INPP5D: variants seen among roughly 807,000 people sequenced by gnomAD.
The protein encoded by INPP5D is inositol polyphosphate-5-phosphatase D.
Under a neutral mutation model 122.9 loss-of-function variants are expected in INPP5D, and 33 were observed. The ratio of observed to expected loss-of-function variants is 0.27; its 90% CI spans 0.20 to 0.36. INPP5D has a LOEUF of 0.36. Among genes scored for constraint, INPP5D ranks in the 10% least tolerant of loss-of-function variants. INPP5D has a pLI of 1.00. For synonymous variants in INPP5D, 584 were observed against 576.2 expected (o/e 1.01, Z -0.19); for missense variants, 1,053 against 1,412.7 (o/e 0.75, Z 4.08).
rs1260875061 is a variant in INPP5D at position 233,183,862 on chromosome 2, A to T, written c.2162-546A>T. ...CTCAAAATTTCTATGAAAGGACAGA[A>T]CACTTGTTTAAAAGCAGCTTAAGGA... On this transcript the variant is annotated intron_variant, in intron 19 of 26. Coordinates refer to ENST00000445964, the MANE Select transcript of INPP5D (RefSeq NM_001017915.3). This position sits in a 1 kb window ranked among gnomAD's most constrained non-coding sequence, Gnocchi z 4.6. Among the ~76,000 whole-genome samples the T allele has an allele frequency of 1.3e-5, 2 of 152,256 alleles. No individual in the cohort carries two copies. The highest frequency in any genetic ancestry group is 2.9e-5 in the Non-Finnish European group (2 of 68,050).
At chr2:233,122,568 C>T (rs1020323631) in intron 3 of INPP5D, among the ~76,000 whole-genome samples, 4 of 152,136 alleles carry the variant, frequency 2.6e-5, no homozygotes, top group South Asian at 2.1e-4. Context: ...TTTGGGAGGC[C>T]GAGGTGGGAG....
At position 233,161,970 on chromosome 2, in the gene INPP5D, C is replaced by T. The variant is rs977364378; in HGVS notation, c.1240+144C>T. The T allele has an allele frequency of 2.0e-5, 26 of 1,292,708 alleles. No individual in the cohort carries two copies. In the South Asian group the frequency reaches 3.0e-4, roughly 15 times the overall value. 80.1% of individuals were successfully genotyped at this position (1,292,708 alleles called of 1,614,324 possible). Reference sequence around the variant, plus strand: ...CCCTGCCCCTAAGCCCCAGCCCACCCGCACAACCTCCTTCCTGAGGAATTC... The same window carrying T: ...CCCTGCCCCTAAGCCCCAGCCCACCTGCACAACCTCCTTCCTGAGGAATTC... On this transcript the variant is annotated intron_variant, in intron 11 of 26. Coordinates refer to ENST00000445964, the MANE Select transcript of INPP5D (RefSeq NM_001017915.3).
chr2:233,195,371 A>G, intron 23 of INPP5D, 28 bp from the exon 24 acceptor site: 1 of 1,613,464 alleles, frequency 6.2e-7, no homozygotes, highest in Middle Eastern at 1.6e-4. Flanking sequence ...GGGCCCTCAC[A>G]TGCTCTTTCC....
At position 233,170,652 on chromosome 2, in the gene INPP5D, C is replaced by A. The variant is rs1370952902; in HGVS notation, c.1900+48C>A. 1.2e-6 allele frequency: 2 copies of A among 1,601,592 alleles called. No individual in the cohort carries two copies. The highest frequency in any genetic ancestry group is 1.3e-5 in the African/African-American group (1 of 74,564). On this transcript the variant is annotated intron_variant, in intron 16 of 26. Transcript: ENST00000445964. This position sits in a 1 kb window ranked among gnomAD's most constrained non-coding sequence, Gnocchi z 4.5. Reference sequence around the variant, plus strand: ...GGAGCGGTGGCTCACACCTGTAATCCCAGCACTTTAGGAGGCCGAGGCGGG... The same window carrying A: ...GGAGCGGTGGCTCACACCTGTAATCACAGCACTTTAGGAGGCCGAGGCGGG...
At chr2:233,198,468 G>A (rs573612638) in intron 25 of INPP5D, 92 bp downstream of exon 25, 2 of 1,480,974 alleles carry the variant, frequency 1.4e-6, no homozygotes, top group African/African-American at 2.8e-5. Context: ...GCCTCATAAG[G>A]GCCACAATTT....
chr2:233,073,659 A>G (rs1271282473), intron 1 of INPP5D, among the ~76,000 whole-genome samples: 1 of 151,776 alleles, frequency 6.6e-6, no homozygotes, highest in Non-Finnish European at 1.5e-5. Flanking sequence ...AAAAAAAAAA[A>G]AAAAAAATCT....
intron 17 of INPP5D, among the ~76,000 whole-genome samples, chr2:233,175,217 C>CAAAAAAA (rs1220185296): frequency 2.8e-4 from 19 of 68,502 alleles, no homozygotes; most frequent in Middle Eastern, 9.8e-3. Context: ...GACTCCATCT[C>CAAAAAAA]AAAAAAAAAA....
rs138384354 is a variant in INPP5D, at chr2:233,165,237, A to T, written c.1555+813A>T. Among the ~76,000 whole-genome samples, 144 of 152,192 alleles carry T rather than the reference A, an allele frequency of 9.5e-4. 1 individual carries two copies. The highest frequency in any genetic ancestry group is 8.1e-3 in the East Asian group (42 of 5,178). Reference sequence around the variant, plus strand: ...AGTCAATGTGTGAGCGTACCACCCCATATCTATGAGTGTGTGTCTATATGT... The same window carrying T: ...AGTCAATGTGTGAGCGTACCACCCCTTATCTATGAGTGTGTGTCTATATGT... On this transcript the variant is annotated intron_variant, in intron 13 of 26. Transcript: ENST00000445964.
At chr2:233,089,389 C>T (rs947170175) in intron 2 of INPP5D, among the ~76,000 whole-genome samples, 2 of 152,212 alleles carry the variant, frequency 1.3e-5, no homozygotes, top group Non-Finnish European at 2.9e-5. Context: ...GATGAGATAA[C>T]ACTGTTTGCC....
At chr2:233,194,501 T>A (rs1695132795) in intron 23 of INPP5D, among the ~76,000 whole-genome samples, 1 of 146,282 alleles carries the variant, frequency 6.8e-6, no homozygotes, top group Admixed American at 6.8e-5. Flanking sequence ...TTTTTTTTTT[T>A]TTTTTTTTTT....
intron 2 of INPP5D, among the ~76,000 whole-genome samples, chr2:233,118,407 C>A (rs1458534772): frequency 6.6e-6 from 1 of 152,192 alleles, no homozygotes; most frequent in Non-Finnish European, 1.5e-5. Context: ...CGCTCCCCAC[C>A]CCTCCGCTGT....
At chr2:233,125,626 G>C in intron 3 of INPP5D, 119 bp from the exon 4 acceptor site, 1 of 873,652 alleles carries the variant, frequency 1.1e-6, no homozygotes, top group Non-Finnish European at 1.8e-6. Context: ...CGAGGGACAC[G>C]GGGACGCAGA....
intron 10 of INPP5D, 137 bp from the exon 11 acceptor site, chr2:233,161,587 T>C (rs28576692): frequency 0.43 from 533,217 of 1,232,198 alleles, 125,305 homozygotes; most frequent in Non-Finnish European, 0.49. Context: ...TGGACACATG[T>C]TTCCAGGTTG....
intron 2 of INPP5D, among the ~76,000 whole-genome samples, chr2:233,094,090 CCCCCT>C (rs1692062855): frequency 1.3e-5 from 2 of 151,268 alleles, no homozygotes; most frequent in African/African-American, 4.9e-5. Context: ...TTAGAATACA[CCCCCT>C]CCCCCCCCAA....
Position 233,166,018 on chromosome 2 carries a change from C to T in INPP5D, c.1555+1594C>T, listed in dbSNP as rs1035042777. ...CAGGAAATAGAAGAATTGCTGCAAT[C>T]GAACGTGCAAAGCTCTCTCAACTTT... On this transcript the variant is annotated intron_variant, in intron 13 of 26. Transcript: ENST00000445964. Among the ~76,000 whole-genome samples the T allele has an allele frequency of 1.1e-4, 16 of 152,208 alleles. No homozygotes were observed. The East Asian group carries it at 2.5e-3, about 24-fold the overall frequency.
chr2:233,060,565 C>G lies in INPP5D; in HGVS notation c.87C>G (p.Leu29=). 1 of 1,614,012 alleles carries G rather than the reference C, an allele frequency of 6.2e-7. No individual in the cohort carries two copies. Among genetic ancestry groups the G allele is most frequent in the Non-Finnish European group, 8.5e-7 (1 of 1,179,880 alleles). The change falls in exon 1 of 27, where the codon CTC becomes CTG. Residue 29 remains leucine, a synonymous_variant. Coordinates refer to ENST00000445964, the MANE Select transcript of INPP5D (RefSeq NM_001017915.3). ...GGACAGGCAAGGACGGGAGCTTCCT[C>G]GTGCGTGCCAGCGAGTCCATCTCCC... is the stretch of plus-strand genomic sequence containing the variant. The part of the protein sequence containing the change: ...LSRTGKDGSF[L]VRASESISRA...
chr2:233,206,645 C>T lies in INPP5D; in HGVS notation c.3568-61C>T. The T allele has an allele frequency of 1.3e-6, 1 of 751,954 alleles. No homozygotes were observed. Among genetic ancestry groups the T allele is most frequent in the Non-Finnish European group, 2.5e-6 (1 of 403,868 alleles). 46.6% of individuals were successfully genotyped at this position (751,954 alleles called of 1,614,324 possible). A position where few individuals can be genotyped will look rare whatever the true frequency, so the allele number is the denominator to read the frequency against. On this transcript the variant is annotated intron_variant, in intron 26 of 26. Coordinates refer to ENST00000445964, the MANE Select transcript of INPP5D (RefSeq NM_001017915.3). This position sits in a 1 kb window ranked among gnomAD's most constrained non-coding sequence, Gnocchi z 4.0. ...CCACAGCATGCAGGGACCTGGGCCA[C>T]TTAGTTCAACATGGCCTGGTGAGAA... is the stretch of plus-strand genomic sequence containing the variant.
At chr2:233,165,119 G>A (rs1249509000) in intron 13 of INPP5D, among the ~76,000 whole-genome samples, 2 of 152,166 alleles carry the variant, frequency 1.3e-5, no homozygotes, top group African/African-American at 2.4e-5. Context: ...CTGTGTATGT[G>A]AGTTTGTGTG....
At chr2:233,104,999 A>G (rs1692427284) in intron 2 of INPP5D, among the ~76,000 whole-genome samples, 1 of 152,214 alleles carries the variant, frequency 6.6e-6, no homozygotes, top group South Asian at 2.1e-4. Flanking sequence ...TTTGTCCCAC[A>G]GGGAGGCAAG....
Sources: gnomAD v4.1 joint callset for allele counts (sites outside exome capture counted in the v4.1 genomes callset) on GRCh38, gnomAD v4.1.1 for gene constraint, Gnocchi (gnomAD v3.1) non-coding constraint, MANE v1.5 for transcripts, NCBI Gene and HGNC (gene_info 2026-07-23, HGNC 2026-07-21) for gene names.